The following FARP1 variants were observed in gnomAD, a reference collection of about 807,000 sequenced individuals.
The protein encoded by FARP1 is FERM, ARHGEF and pleckstrin domain-containing protein 1.
Under a neutral mutation model 128.8 loss-of-function variants are expected in FARP1, and 52 were observed. The ratio of observed to expected loss-of-function variants is 0.40; its 90% CI spans 0.32 to 0.51. The LOEUF is 0.51. Ranked by LOEUF, FARP1 falls within the 20% of genes least tolerant of loss-of-function variation. FARP1 has a pLI of 0.45. For missense variants in FARP1, 1,333 were observed against 1,367.9 expected (o/e 0.97, Z 0.40); for synonymous variants, 580 against 551.8 (o/e 1.05, Z -0.72).
At chr13:98,178,710 G>C (rs1878284787) in intron 1 of FARP1, among the ~76,000 whole-genome samples, 2 of 152,208 alleles carry the variant, frequency 1.3e-5, no homozygotes, top group African/African-American at 4.8e-5. Context: ...AACACTGGCT[G>C]CTGTGGGATG....
intron 5 of FARP1, among the ~76,000 whole-genome samples, chr13:98,375,910 T>TGCGGCCCCAACAGGTAATTGTAAGA (rs1323996369): frequency 6.6e-6 from 1 of 152,088 alleles, no homozygotes; most frequent in Non-Finnish European, 1.5e-5. Flanking sequence ...AGCCACAGCG[T>TGCGGCCCCAACAGGTAATTGTAAGA]GCGGCCCCAA....
intron 2 of FARP1, among the ~76,000 whole-genome samples, chr13:98,300,141 A>G (rs910765452): frequency 6.6e-6 from 1 of 152,238 alleles, no homozygotes; most frequent in Non-Finnish European, 1.5e-5. Context: ...CCCTGAGAGC[A>G]CTGTATCTAG....
At chr13:98,228,085 G>A (rs1460706975) in intron 2 of FARP1, among the ~76,000 whole-genome samples, 2 of 152,194 alleles carry the variant, frequency 1.3e-5, no homozygotes, top group Non-Finnish European at 2.9e-5. Flanking sequence ...TGGGCCGGGC[G>A]TGGTGGCTCA....
At chr13:98,439,421 C>T (rs1448373908) in intron 21 of FARP1, among the ~76,000 whole-genome samples, 1 of 152,206 alleles carries the variant, frequency 6.6e-6, no homozygotes, top group African/African-American at 2.4e-5. Context: ...TCTGGGGACA[C>T]GGCTCCTTCT....
At chr13:98,339,448 T>A (rs146636880) in intron 2 of FARP1, among the ~76,000 whole-genome samples, 1 of 152,114 alleles carries the variant, frequency 6.6e-6, no homozygotes, top group Non-Finnish European at 1.5e-5. Context: ...TCCCCCAACA[T>A]TGGGAGTTAC....
chr13:98,359,624 A>G (rs946065840), intron 3 of FARP1, among the ~76,000 whole-genome samples: 2 of 152,188 alleles, frequency 1.3e-5, no homozygotes, highest in African/African-American at 4.8e-5. Flanking sequence ...CCATGAGACT[A>G]TAATCCTGGG....
At position 98,235,515 on chromosome 13, in the gene FARP1, G is replaced by A. The variant is rs73555050; in HGVS notation, c.171+22102G>A. ...GGGGGAAACTCCCTCTCTCCACAGC[G>A]GAGTGATGCCCGGGTGTGGGATACT... On this transcript the variant is annotated intron_variant, in intron 2 of 26. Transcript: ENST00000319562. Among the ~76,000 whole-genome samples the A allele has an allele frequency of 7.2e-3, 1,096 of 152,264 alleles. 19 individuals carry two copies. The highest frequency in any genetic ancestry group is 0.025 in the African/African-American group (1,051 of 41,540).
In FARP1 at chr13:98,231,035, G is replaced by A. The variant is rs544350937; in HGVS notation, c.171+17622G>A. ...TCTCGTGAGACTTATTCACTACCACGAGAACAGTAAGGGGGGAACTGCCCC... is the reference window on the plus strand; with the variant it reads ...TCTCGTGAGACTTATTCACTACCACAAGAACAGTAAGGGGGGAACTGCCCC... On this transcript the variant is annotated intron_variant, in intron 2 of 26. Transcript: ENST00000319562. Among the ~76,000 whole-genome samples, 6 of 152,162 alleles carry A rather than the reference G, an allele frequency of 3.9e-5. No homozygotes were observed. In the South Asian group the frequency reaches 1.0e-3, roughly 26 times the overall value.
intron 2 of FARP1, among the ~76,000 whole-genome samples, chr13:98,225,629 T>G (rs1881712815): frequency 6.6e-6 from 1 of 152,264 alleles, no homozygotes; most frequent in African/African-American, 2.4e-5. Flanking sequence ...GAAAGGCCCG[T>G]GGCCATCTTA....
chr13:98,149,278 C>G lies in FARP1; in HGVS notation c.-24+5786C>G, dbSNP rs1819212012. ...CCCTGCTCCCTTGCTACTGTCTTTC[C>G]CATCCTCTTTATTAGTTTATTTTCT... On this transcript the variant is annotated intron_variant, in intron 1 of 26. Transcript: ENST00000319562. 2.0e-5 allele frequency among the ~76,000 whole-genome samples: 3 copies of G among 152,090 alleles called. No homozygotes were observed. In the South Asian group the frequency reaches 6.2e-4, roughly 32 times the overall value.
At chr13:98,166,242 G>C (rs1034995646) in intron 1 of FARP1, among the ~76,000 whole-genome samples, 1 of 152,028 alleles carries the variant, frequency 6.6e-6, no homozygotes, top group Admixed American at 6.6e-5. Context: ...ATATTTTGCT[G>C]GTCTAAATGA....
intron 2 of FARP1, among the ~76,000 whole-genome samples, chr13:98,260,597 C>T (rs1486562491): frequency 6.6e-6 from 1 of 152,220 alleles, no homozygotes; most frequent in Non-Finnish European, 1.5e-5. Context: ...GGCCCACGAG[C>T]ACTTGCTTTA....
In FARP1 at chr13:98,199,676, G is replaced by C. The variant is rs558946996; in HGVS notation, c.-23-13544G>C. On this transcript the variant is annotated intron_variant, in intron 1 of 26. Coordinates refer to ENST00000319562, the MANE Select transcript of FARP1 (RefSeq NM_005766.4). The stretch of plus-strand genomic sequence containing the variant: ...TCGATTAGAGAAGACTTTCCTTAGT[G>C]AGTGGAAGAGAATGATGTGTGTTAA... 3.3e-5 allele frequency among the ~76,000 whole-genome samples: 5 copies of C among 152,342 alleles called. No individual in the cohort carries two copies. The South Asian group carries it at 1.0e-3, about 32-fold the overall frequency.
intron 2 of FARP1, among the ~76,000 whole-genome samples, chr13:98,259,970 G>A (rs567247945): frequency 1.4e-5 from 2 of 146,402 alleles, no homozygotes; most frequent in African/African-American, 4.9e-5. Context: ...TTTCCATGTT[G>A]ATAAAACAAG....
At chr13:98,310,572 A>T (rs953892190) in intron 2 of FARP1, among the ~76,000 whole-genome samples, 2 of 152,168 alleles carry the variant, frequency 1.3e-5, no homozygotes, top group African/African-American at 4.8e-5. Context: ...TTTCGAGTTG[A>T]CATTTGGAGA....
chr13:98,268,461 G>C lies in FARP1; in HGVS notation c.171+55048G>C, dbSNP rs184357286. ...CACATCTACGCTGACTAAAGATTCT[G>C]TTTCTCCCTTCTCTTTTATTTTTTG... On this transcript the variant is annotated intron_variant, in intron 2 of 26. Transcript: ENST00000319562. Among the ~76,000 whole-genome samples the C allele has an allele frequency of 4.4e-3, 668 of 152,184 alleles. 5 individuals carry two copies. Among genetic ancestry groups the C allele is most frequent in the Non-Finnish European group, 7.6e-3 (517 of 67,986 alleles).
chr13:98,225,039 A>G (rs568016202), intron 2 of FARP1, among the ~76,000 whole-genome samples: 1 of 152,322 alleles, frequency 6.6e-6, no homozygotes, highest in African/African-American at 2.4e-5. Flanking sequence ...CTGAATTTCT[A>G]GACGGTCTTA....
chr13:98,233,518 G>A (rs1376735117), intron 2 of FARP1: 1 of 152,176 alleles, frequency 6.6e-6, no homozygotes, highest in Non-Finnish European at 1.5e-5. Context: ...AAGCCCCAGG[G>A]TGGGGCCAGG....
Position 98,439,090 on chromosome 13 carries a change from A to G in FARP1, c.2344-17A>G. On this transcript the variant is annotated splice_polypyrimidine_tract_variant and intron_variant, in intron 20 of 26. Coordinates refer to ENST00000319562, the MANE Select transcript of FARP1 (RefSeq NM_005766.4). ...TCCAAACGTGGTCTCACCTCCACAC[A>G]CTTCTGATTCCTCCAGTTCAACGAC... The G allele has an allele frequency of 6.2e-7, 1 of 1,607,894 alleles. No individual in the cohort carries two copies. Among genetic ancestry groups the G allele is most frequent in the East Asian group, 2.2e-5 (1 of 44,822 alleles).
Sources: allele counts gnomAD v4.1 joint callset (sites outside exome capture counted in the v4.1 genomes callset), GRCh38; gene constraint gnomAD v4.1.1; transcripts MANE v1.5; gene names NCBI Gene and HGNC (gene_info 2026-07-23, HGNC 2026-07-21).